The following DRC11 variants were observed in gnomAD, a reference collection of about 807,000 sequenced individuals.
DRC11 encodes IQ and AAA domain-containing protein 1.
chr2:236,404,155 G>T, the DRC11 span, among the ~76,000 whole-genome samples: 1 of 125,016 alleles, frequency 8.0e-6, no homozygotes, highest in African/African-American at 3.1e-5. Context: ...TAACCCAATG[G>T]AGAGTTAAAA....
chr2:236,325,631 C>A, the DRC11 span, among the ~76,000 whole-genome samples: 2 of 149,300 alleles, frequency 1.3e-5, no homozygotes, highest in African/African-American at 4.9e-5. The surrounding 1 kb of genome is among the most constrained non-coding windows in gnomAD (Gnocchi z 4.4). Flanking sequence ...GAGACTGAGT[C>A]TCACTCTGTA....
chr2:236,355,480 T>C, the DRC11 span, among the ~76,000 whole-genome samples: 1 of 152,238 alleles, frequency 6.6e-6, no homozygotes, highest in Non-Finnish European at 1.5e-5. Context: ...AAGGTGAGCC[T>C]GGCCTCTTCA....
the DRC11 span, among the ~76,000 whole-genome samples, chr2:236,407,141 T>G: frequency 6.4e-4 from 97 of 152,298 alleles, 1 homozygote; most frequent in East Asian, 0.016. Context: ...CCTCATGGCT[T>G]TGAGGGCTGC....
chr2:236,410,196 C>A, the DRC11 span, among the ~76,000 whole-genome samples: 6 of 151,594 alleles, frequency 4.0e-5, no homozygotes, highest in Non-Finnish European at 7.4e-5. Context: ...ACCAGCTCCT[C>A]CTTGTACCTC....
At chr2:236,405,386 C>T in the DRC11 span, among the ~76,000 whole-genome samples, 2 of 151,584 alleles carry the variant, frequency 1.3e-5, no homozygotes, top group Admixed American at 6.6e-5. The surrounding 1 kb of genome is among the most constrained non-coding windows in gnomAD (Gnocchi z 4.6). Flanking sequence ...TTTGTTGCAT[C>T]CAACTTTCTT....
chr2:236,394,164 A>T, the DRC11 span, among the ~76,000 whole-genome samples: 1 of 152,178 alleles, frequency 6.6e-6, no homozygotes, highest in African/African-American at 2.4e-5. The surrounding 1 kb of genome is among the most constrained non-coding windows in gnomAD (Gnocchi z 7.0). Flanking sequence ...ATAATGCAGG[A>T]CAGCAGCTAC....
At chr2:236,337,500 G>A in the DRC11 span, among the ~76,000 whole-genome samples, 5 of 152,160 alleles carry the variant, frequency 3.3e-5, no homozygotes, top group Non-Finnish European at 5.9e-5. The surrounding 1 kb of genome is among the most constrained non-coding windows in gnomAD (Gnocchi z 4.9). Context: ...GGCGTGAACC[G>A]TTCTCCTACT....
the DRC11 span, among the ~76,000 whole-genome samples, chr2:236,390,319 A>AGCCATTTATTCTC: frequency 1.3e-5 from 2 of 152,152 alleles, no homozygotes; most frequent in Non-Finnish European, 2.9e-5. The surrounding 1 kb of genome is among the most constrained non-coding windows in gnomAD (Gnocchi z 5.9). Context: ...TGCATGAGAT[A>AGCCATTTATTCTC]TCTTTTTTCC....
the DRC11 span, chr2:236,419,078 T>G: frequency 1.4e-6 from 2 of 1,467,556 alleles, no homozygotes; most frequent in Non-Finnish European, 1.8e-6. This position sits in a 1 kb window ranked among gnomAD's most constrained non-coding sequence, Gnocchi z 4.8. Flanking sequence ...AATATCTCAT[T>G]GACTCAAAGC....
the DRC11 span, among the ~76,000 whole-genome samples, chr2:236,457,379 A>G: frequency 1.3e-5 from 2 of 152,216 alleles, no homozygotes; most frequent in Non-Finnish European, 2.9e-5. The surrounding 1 kb of genome is among the most constrained non-coding windows in gnomAD (Gnocchi z 4.7). Context: ...CCACCACTGC[A>G]AAGTCCTATT....
chr2:236,475,791 T>C, the DRC11 span, among the ~76,000 whole-genome samples: 1 of 152,200 alleles, frequency 6.6e-6, no homozygotes, highest in Admixed American at 6.5e-5. The surrounding 1 kb of genome is among the most constrained non-coding windows in gnomAD (Gnocchi z 4.8). Context: ...CTGCATATGG[T>C]TATCCAGTTT....
chr2:236,340,076 T>G, the DRC11 span, among the ~76,000 whole-genome samples: 3 of 152,206 alleles, frequency 2.0e-5, no homozygotes, highest in Admixed American at 1.3e-4. Context: ...TTTTTCAGCG[T>G]TTTTGTAGTT....
At chr2:236,505,578 C>A in the DRC11 span, among the ~76,000 whole-genome samples, 1 of 152,112 alleles carries the variant, frequency 6.6e-6, no homozygotes, top group Admixed American at 6.5e-5. Flanking sequence ...CCAACACTCC[C>A]AGGCTTTGAA....
chr2:236,426,687 G>A, the DRC11 span, among the ~76,000 whole-genome samples: 219 of 152,252 alleles, frequency 1.4e-3, 1 homozygote, highest in Non-Finnish European at 2.3e-3. This position sits in a 1 kb window ranked among gnomAD's most constrained non-coding sequence, Gnocchi z 4.1. Context: ...GATTACAGGC[G>A]TGAGCCACCG....
the DRC11 span, among the ~76,000 whole-genome samples, chr2:236,494,824 C>T: frequency 7.9e-5 from 12 of 152,110 alleles, no homozygotes; most frequent in Non-Finnish European, 4.4e-5. This position sits in a 1 kb window ranked among gnomAD's most constrained non-coding sequence, Gnocchi z 4.2. Flanking sequence ...GAACACCAAA[C>T]CTTTCTGAGG....
the DRC11 span, among the ~76,000 whole-genome samples, chr2:236,344,161 C>T: frequency 6.6e-6 from 1 of 152,140 alleles, no homozygotes. Context: ...GTGCACTTAG[C>T]AGTTCTGCTG....
chr2:236,364,102 G>T, the DRC11 span: 1 of 789,048 alleles, frequency 1.3e-6, no homozygotes, highest in Non-Finnish European at 2.0e-6. Context: ...TGATAAAGGC[G>T]TCCAAAGCAT....
chr2:236,339,788 C>T, the DRC11 span, among the ~76,000 whole-genome samples: 1 of 152,298 alleles, frequency 6.6e-6, no homozygotes, highest in Admixed American at 6.5e-5. Context: ...TCCACACTGT[C>T]TTGATTGTTG....
the DRC11 span, chr2:236,507,303 G>A: frequency 6.2e-7 from 1 of 1,613,712 alleles, no homozygotes; most frequent in Non-Finnish European, 8.5e-7. Context: ...CGCCCTCCGG[G>A]AAGCTCTTCC....
Sources: allele counts gnomAD v4.1 joint callset (sites outside exome capture counted in the v4.1 genomes callset), GRCh38; gene constraint gnomAD v4.1.1; non-coding constraint Gnocchi (gnomAD v3.1); transcripts MANE v1.5; gene names NCBI Gene and HGNC (gene_info 2026-07-23, HGNC 2026-07-21).